Variants in CHD7 observed in about 807,000 individuals in gnomAD.
CHD7 encodes the protein chromodomain helicase DNA binding protein 7, also known as ATP-dependent chromatin remodeler CHD7.
CHD7 carries 24 observed loss-of-function variants against 307.3 expected under a neutral mutation model. That is an observed-to-expected ratio of 0.08 (90% CI 0.06 to 0.11). The LOEUF is 0.11. CHD7 is among the 10% of genes least tolerant of loss of function. The probability of loss-of-function intolerance (pLI) is 1.00; values close to 1 mark genes in which losing one functional copy is unlikely to be tolerated. For missense variants in CHD7, 3,106 were observed against 3,727.1 expected, an observed-to-expected ratio of 0.83 and a Z score of 4.34; for synonymous variants, 1,363 against 1,349.9, an observed-to-expected ratio of 1.01 and a Z score of -0.21.
intron 13 of CHD7, 170 bp downstream of exon 13, chr8:60,824,186 C>A: frequency 1.7e-6 from 1 of 600,126 alleles, no homozygotes; most frequent in Non-Finnish European, 2.9e-6. Flanking sequence ...CTTTTGGATT[C>A]TTACATTGTT....
chr8:60,852,117 C>A lies in CHD7; in HGVS notation c.5764C>A (p.Arg1922Ser). 6.2e-7 allele frequency: 1 copy of A among 1,613,980 alleles called. No individual in the cohort carries two copies. The highest frequency in any genetic ancestry group is 8.5e-7 in the Non-Finnish European group (1 of 1,179,874). ...RLRRLITAYQ[R>S]SYKRQQMRQE... Reference sequence around the variant, plus strand: ...GCGCCGGCTCATTACTGCCTATCAGCGCAGCTATAAAAGGCAACAGATGAG... The same window carrying A: ...GCGCCGGCTCATTACTGCCTATCAGAGCAGCTATAAAAGGCAACAGATGAG... Residue 1922 changes from arginine (R) to serine (S), a missense_variant, in exon 29 of 38, where the codon CGC becomes AGC. Transcript: ENST00000423902.
chr8:60,801,482 A>T (rs1295643854), intron 5 of CHD7, 46 bp from the exon 6 acceptor site: 1 of 1,384,974 alleles, frequency 7.2e-7, no homozygotes, highest in Non-Finnish European at 1.0e-6. Context: ...ATAGCTTAGG[A>T]TGAGATGTTT....
chr8:60,833,905 A>C (rs1276741984), intron 15 of CHD7, among the ~76,000 whole-genome samples: 1 of 152,228 alleles, frequency 6.6e-6, no homozygotes, highest in Non-Finnish European at 1.5e-5. Flanking sequence ...TGCCACAATA[A>C]AATGTCAAGA....
At chr8:60,698,435 A>G (rs886943757) in intron 1 of CHD7, among the ~76,000 whole-genome samples, 3 of 152,178 alleles carry the variant, frequency 2.0e-5, no homozygotes, top group Non-Finnish European at 4.4e-5. Context: ...CAATTTAAAG[A>G]TTTCTCAAAT....
chr8:60,695,262 T>TA (rs1260874574), intron 1 of CHD7, among the ~76,000 whole-genome samples: 7 of 152,228 alleles, frequency 4.6e-5, no homozygotes, highest in African/African-American at 1.7e-4. Context: ...GTCTGCAACT[T>TA]ACAGTTCAAG....
intron 1 of CHD7, among the ~76,000 whole-genome samples, chr8:60,700,014 G>C (rs1806681171): frequency 6.6e-6 from 1 of 151,832 alleles, no homozygotes; most frequent in African/African-American, 2.4e-5. Flanking sequence ...ATTTTTAGTA[G>C]GGAGGGGGTT....
At chr8:60,697,454 G>A (rs1806537777) in intron 1 of CHD7, among the ~76,000 whole-genome samples, 4 of 152,070 alleles carry the variant, frequency 2.6e-5, no homozygotes, top group African/African-American at 9.7e-5. Flanking sequence ...AGGAGGATAA[G>A]AAAAGGAAAA....
intron 7 of CHD7, among the ~76,000 whole-genome samples, chr8:60,810,546 C>T (rs1023734532): frequency 1.3e-5 from 2 of 152,112 alleles, no homozygotes; most frequent in Middle Eastern, 3.2e-3. Flanking sequence ...TCATTCTCTC[C>T]TTTCCCCTTT....
chr8:60,810,276 G>C (rs748243132), intron 7 of CHD7, among the ~76,000 whole-genome samples: 7 of 152,032 alleles, frequency 4.6e-5, no homozygotes, highest in Admixed American at 1.3e-4. Context: ...TCAGTGAAGG[G>C]GGGGGCATTG....
At chr8:60,862,505 G>A in intron 36 of CHD7, 43 bp from the exon 37 acceptor site, 1 of 1,522,952 alleles carries the variant, frequency 6.6e-7, no homozygotes. Context: ...GAAAGGGGAG[G>A]GAAGACTGTG....
intron 23 of CHD7, among the ~76,000 whole-genome samples, chr8:60,846,361 A>G (rs1805212117): frequency 6.6e-6 from 1 of 152,200 alleles, no homozygotes; most frequent in South Asian, 2.1e-4. Context: ...CTTTATTTCC[A>G]AAAACTGATT....
chr8:60,738,538 A>G (rs1375791984), intron 1 of CHD7, among the ~76,000 whole-genome samples: 1 of 152,210 alleles, frequency 6.6e-6, no homozygotes, highest in Non-Finnish European at 1.5e-5. Context: ...ACAAAATTAT[A>G]CAATGCAGCT....
In CHD7 at chr8:60,828,707, G is replaced by A. The variant is rs761354635; in HGVS notation, c.3423G>A (p.Val1141=). 3 of 1,613,176 alleles carry A rather than the reference G, an allele frequency of 1.9e-6. No homozygotes were observed. The highest frequency in any genetic ancestry group is 2.2e-5 in the South Asian group (2 of 90,894). ...LLTGTPLQNT[V]EELFSLLHFL... is the part of the protein sequence containing the mutation. ...CGGGAACCCCACTCCAGAACACTGT[G>A]GAAGAACTCTTCAGCTTGCTTCATT... is the stretch of plus-strand genomic sequence containing the variant. The change falls in exon 14 of 38, where the codon GTG becomes GTA. Residue 1141 remains valine, a synonymous_variant. Transcript: ENST00000423902.
intron 1 of CHD7, among the ~76,000 whole-genome samples, chr8:60,689,700 A>G (rs1014987251): frequency 6.6e-6 from 1 of 152,346 alleles, no homozygotes; most frequent in East Asian, 1.9e-4. Flanking sequence ...TTAACAGATT[A>G]TAGTCAGTGA....
chr8:60,835,472 G>T (rs1804700617), intron 15 of CHD7, among the ~76,000 whole-genome samples: 1 of 152,210 alleles, frequency 6.6e-6, no homozygotes, highest in Non-Finnish European at 1.5e-5. Flanking sequence ...AATGAATGTG[G>T]AGGGAGATTT....
chr8:60,685,302 G>C (rs1169797835), intron 1 of CHD7, among the ~76,000 whole-genome samples: 4 of 152,242 alleles, frequency 2.6e-5, no homozygotes, highest in Admixed American at 1.3e-4. Context: ...TGAAATGGGA[G>C]AGGGGAGGGA....
chr8:60,684,007 C>T (rs1278957168), intron 1 of CHD7, among the ~76,000 whole-genome samples: 7 of 151,898 alleles, frequency 4.6e-5, no homozygotes, highest in African/African-American at 1.7e-4. Context: ...ATGTATTGAT[C>T]ACCATAGCTA....
At position 60,804,359 on chromosome 8, in the gene CHD7, A is replaced by G. The variant is rs561745816; in HGVS notation, c.2442+2766A>G. Among the ~76,000 whole-genome samples, 324 of 152,228 alleles carry G rather than the reference A, an allele frequency of 2.1e-3. 4 individuals are homozygous for G. The highest frequency in any genetic ancestry group is 7.5e-3 in the African/African-American group (312 of 41,546). On this transcript the variant is annotated intron_variant, in intron 6 of 37. Coordinates refer to ENST00000423902, the MANE Select transcript of CHD7 (RefSeq NM_017780.4). Reference sequence around the variant, plus strand: ...CAAATCCTTTTTTTTTTGTATCAGAAGGCCAAAAGTAGTTTTAAAAGTGAA... The same window carrying G: ...CAAATCCTTTTTTTTTTGTATCAGAGGGCCAAAAGTAGTTTTAAAAGTGAA...
At chr8:60,853,729 A>C (rs1805583647) in intron 31 of CHD7, among the ~76,000 whole-genome samples, 1 of 152,248 alleles carries the variant, frequency 6.6e-6, no homozygotes, top group South Asian at 2.1e-4. Flanking sequence ...TTGCATGGAC[A>C]CATTAGCAAT....
Sources: gnomAD v4.1 joint callset for allele counts (sites outside exome capture counted in the v4.1 genomes callset) on GRCh38, gnomAD v4.1.1 for gene constraint, MANE v1.5 for transcripts, NCBI Gene and HGNC (gene_info 2026-07-23, HGNC 2026-07-21) for gene names.